UBE2U: variants seen among roughly 807,000 people sequenced by gnomAD.
UBE2U encodes the protein ubiquitin-conjugating enzyme E2 U.
Under a neutral mutation model 41.2 loss-of-function variants are expected in UBE2U, and 39 were observed. The observed-to-expected ratio is 0.95, with a 90% CI of 0.73 to 1.24. The LOEUF (loss-of-function observed/expected upper bound fraction) is 1.24, where lower values mean the gene tolerates loss of function less well. Among genes scored for constraint, UBE2U ranks in the 50% most tolerant of loss-of-function variants. UBE2U has a pLI of 0.00. For synonymous variants in UBE2U, 107 were observed against 117.8 expected (o/e 0.91, Z 0.60); for missense variants, 336 against 363.1 (o/e 0.93, Z 0.61).
chr1:64,255,310 C>G (rs753370186), intron 8 of UBE2U, among the ~76,000 whole-genome samples: 1 of 151,986 alleles, frequency 6.6e-6, no homozygotes, highest in Non-Finnish European at 1.5e-5. Context: ...CAGAACCAGA[C>G]AGATTCACAG....
chr1:64,219,679 T>C (rs1056201337), intron 5 of UBE2U, among the ~76,000 whole-genome samples: 1 of 151,590 alleles, frequency 6.6e-6, no homozygotes, highest in Non-Finnish European at 1.5e-5. Context: ...CACTGCAAGC[T>C]CCACCTCCTG....
rs115987511 is a variant in UBE2U, at chr1:64,213,253, T to C, written c.340-1562T>C. On this transcript the variant is annotated intron_variant, in intron 4 of 9. Transcript: ENST00000371077. Reference sequence around the variant, plus strand: ...CTCACATTGCTTGGGTCAATTCAGATAAAAAAAACATTCATAGAGTTCTAA... The same window carrying C: ...CTCACATTGCTTGGGTCAATTCAGACAAAAAAAACATTCATAGAGTTCTAA... 2.0e-3 allele frequency among the ~76,000 whole-genome samples: 304 copies of C among 151,888 alleles called. 1 individual carries two copies. The highest frequency in any genetic ancestry group is 7.0e-3 in the African/African-American group (289 of 41,418).
At position 64,239,171 on chromosome 1, in the gene UBE2U, AG is replaced by A. The variant is rs1421930995; in HGVS notation, c.596-2480del. Among the ~76,000 whole-genome samples, 6 of 90,938 alleles carry A rather than the reference AG, an allele frequency of 6.6e-5. 1 individual carries two copies. The highest frequency in any genetic ancestry group is 3.1e-4 in the African/African-American group (6 of 19,516). 59.7% of individuals were successfully genotyped at this position (90,938 alleles called of 152,430 possible). A position where few individuals can be genotyped will look rare whatever the true frequency, so the allele number is the denominator to read the frequency against. On this transcript the variant is annotated intron_variant, in intron 7 of 9. Transcript: ENST00000371077. The stretch of plus-strand genomic sequence containing the variant: ...AGAAGAAGAAGAAAGAAGAAGAAGA[AG>A]AAGAAGAAGAAGAAGAAGAAAGCCC...
chr1:64,246,093 TC>T (rs1016615315), intron 8 of UBE2U, among the ~76,000 whole-genome samples: 1 of 152,090 alleles, frequency 6.6e-6, no homozygotes, highest in African/African-American at 2.4e-5. Context: ...TTGTGTTTTT[TC>T]TCAATATTAA....
intron 7 of UBE2U, among the ~76,000 whole-genome samples, chr1:64,235,821 T>C (rs825186): frequency 0.67 from 102,416 of 151,962 alleles, 34,946 homozygotes; most frequent in African/African-American, 0.77. Flanking sequence ...TTTAGCCATC[T>C]CAATCTATCA....
chr1:64,239,175 G>GAAGA (rs1644781402), intron 7 of UBE2U, among the ~76,000 whole-genome samples: 8 of 95,446 alleles, frequency 8.4e-5, no homozygotes, highest in African/African-American at 3.7e-4. Context: ...AGAAGAAGAA[G>GAAGA]AAGAAGAAGA....
At chr1:64,232,314 T>C (rs1380772072) in intron 6 of UBE2U, among the ~76,000 whole-genome samples, 2 of 152,224 alleles carry the variant, frequency 1.3e-5, no homozygotes, top group Admixed American at 6.5e-5. Context: ...TTTTATAATA[T>C]ACATGTGGGT....
At chr1:64,233,292 C>A (rs1183716811) in intron 7 of UBE2U, among the ~76,000 whole-genome samples, 1 of 152,080 alleles carries the variant, frequency 6.6e-6, no homozygotes, top group Non-Finnish European at 1.5e-5. Context: ...CAGGCGTGAG[C>A]CACCACACCC....
intron 8 of UBE2U, among the ~76,000 whole-genome samples, chr1:64,257,620 G>C (rs1283223774): frequency 6.6e-6 from 1 of 152,126 alleles, no homozygotes; most frequent in East Asian, 1.9e-4. Flanking sequence ...GGTGAGGGGG[G>C]TGTGTTGGGG....
intron 8 of UBE2U, among the ~76,000 whole-genome samples, chr1:64,245,285 G>T (rs776331346): frequency 6.6e-6 from 1 of 152,136 alleles, no homozygotes; most frequent in Non-Finnish European, 1.5e-5. Flanking sequence ...TCAGTAGTTT[G>T]TATTTAAGTT....
chr1:64,262,746 C>A (rs1645196819), intron 9 of UBE2U, among the ~76,000 whole-genome samples: 1 of 152,164 alleles, frequency 6.6e-6, no homozygotes, highest in African/African-American at 2.4e-5. Flanking sequence ...GGTTAGAAGT[C>A]ATGGGTCCTA....
At chr1:64,206,420 C>G (rs922714799) in intron 2 of UBE2U, among the ~76,000 whole-genome samples, 24 of 151,508 alleles carry the variant, frequency 1.6e-4, no homozygotes, top group Non-Finnish European at 1.5e-5. Context: ...GAAATTCGGG[C>G]AGAGTAAACA....
chr1:64,221,427 T>A (rs1652457573), intron 6 of UBE2U, among the ~76,000 whole-genome samples: 1 of 152,170 alleles, frequency 6.6e-6, no homozygotes, highest in Non-Finnish European at 1.5e-5. Context: ...TTGCCTTTTT[T>A]ATATTTTTGA....
At chr1:64,232,684 G>T (rs777715475) in intron 7 of UBE2U, 35 bp downstream of exon 7, 2 of 1,529,308 alleles carry the variant, frequency 1.3e-6, no homozygotes, top group African/African-American at 1.4e-5. Flanking sequence ...TGTCCTTTTG[G>T]TATATGTTAA....
chr1:64,219,947 T>A (rs2100317425), intron 5 of UBE2U, among the ~76,000 whole-genome samples: 1 of 152,308 alleles, frequency 6.6e-6, no homozygotes, highest in South Asian at 2.1e-4. Flanking sequence ...CATCTCTTTG[T>A]TCGTTGTATA....
At position 64,216,911 on chromosome 1, in the gene UBE2U, C is replaced by A. The variant is rs754241746; in HGVS notation, c.457+1979C>A. ...CCCTTTTCCTTTCTTAGAGGACTCA[C>A]ATACCCCAGACTGCCTGGGAAAGTC... On this transcript the variant is annotated intron_variant, in intron 5 of 9. Coordinates refer to ENST00000371077, the MANE Select transcript of UBE2U (RefSeq NM_001366232.2). 1.6e-4 allele frequency among the ~76,000 whole-genome samples: 25 copies of A among 152,302 alleles called. 1 individual carries two copies. In the South Asian group the frequency reaches 3.1e-3, roughly 19 times the overall value.
intron 4 of UBE2U, 109 bp downstream of exon 4, chr1:64,210,948 G>C (rs1034904632): frequency 2.0e-5 from 14 of 700,586 alleles, no homozygotes; most frequent in Non-Finnish European, 2.7e-5. Flanking sequence ...TAAAGAATTT[G>C]AGAAGTTTAT....
chr1:64,214,370 G>T (rs1478487161), intron 4 of UBE2U, among the ~76,000 whole-genome samples: 2 of 152,132 alleles, frequency 1.3e-5, no homozygotes, highest in African/African-American at 4.8e-5. Flanking sequence ...GGCAATACAA[G>T]TTGAGACCAT....
chr1:64,243,230 G>A (rs910571926), intron 8 of UBE2U, among the ~76,000 whole-genome samples: 3 of 152,112 alleles, frequency 2.0e-5, no homozygotes, highest in East Asian at 1.9e-4. Flanking sequence ...GCTTCAAAAC[G>A]CTGGTGTTGA....
Sources: gnomAD v4.1 joint callset for allele counts (sites outside exome capture counted in the v4.1 genomes callset) on GRCh38, gnomAD v4.1.1 for gene constraint, MANE v1.5 for transcripts, NCBI Gene and HGNC (gene_info 2026-07-23, HGNC 2026-07-21) for gene names.